The following TBL1XR1 variants were observed in gnomAD, a reference collection of about 807,000 sequenced individuals.
TBL1XR1 encodes TBL1X/Y related 1, also known as F-box-like/WD repeat-containing protein TBL1XR1.
Under a neutral mutation model 66.9 loss-of-function variants are expected in TBL1XR1, and 5 were observed. That is an observed-to-expected ratio of 0.07 (90% confidence interval 0.04 to 0.16). The LOEUF (loss-of-function observed/expected upper bound fraction) is 0.16. TBL1XR1 is among the 10% of genes least tolerant of loss of function. The probability of loss-of-function intolerance (pLI) is 1.00; values close to 1 mark genes in which losing one functional copy is unlikely to be tolerated. For missense variants in TBL1XR1, 238 were observed against 623.2 expected, an observed-to-expected ratio of 0.38 and a Z score of 6.58; for synonymous variants, 210 against 206.0, an observed-to-expected ratio of 1.02 and a Z score of -0.17.
At chr3:177,151,257 T>C (rs6791268) in intron 1 of TBL1XR1, among the ~76,000 whole-genome samples, 7,850 of 152,286 alleles carry the variant, frequency 0.052, 474 homozygotes, top group East Asian at 0.17. Context: ...CAAGTATTTA[T>C]GTTTCAGTAT....
intron 3 of TBL1XR1, among the ~76,000 whole-genome samples, chr3:177,059,561 T>C (rs1347798403): frequency 1.3e-5 from 2 of 152,136 alleles, no homozygotes; most frequent in Non-Finnish European, 2.9e-5. Context: ...ACAAGGCCTG[T>C]ATTTCTAAGG....
chr3:177,151,037 A>G (rs1454679060), intron 1 of TBL1XR1, among the ~76,000 whole-genome samples: 1 of 152,242 alleles, frequency 6.6e-6, no homozygotes, highest in Non-Finnish European at 1.5e-5. Flanking sequence ...CAGTAATAAT[A>G]AAAACACATA....
intron 1 of TBL1XR1, among the ~76,000 whole-genome samples, chr3:177,144,331 C>T (rs1729984640): frequency 6.6e-6 from 1 of 152,130 alleles, no homozygotes; most frequent in Non-Finnish European, 1.5e-5. Flanking sequence ...CTAAGTACAA[C>T]ATTAAAGAAT....
intron 1 of TBL1XR1, among the ~76,000 whole-genome samples, chr3:177,163,620 A>G (rs1039830872): frequency 1.6e-4 from 25 of 152,210 alleles, no homozygotes; most frequent in African/African-American, 6.0e-4. Flanking sequence ...TGTATTTAAA[A>G]CAATACTGGG....
chr3:177,114,711 C>T (rs1726090129), intron 1 of TBL1XR1, among the ~76,000 whole-genome samples: 1 of 151,766 alleles, frequency 6.6e-6, no homozygotes, highest in Non-Finnish European at 1.5e-5. Context: ...TACGGTAGCT[C>T]ACACCTCTAA....
In TBL1XR1 at chr3:177,164,676, GAA is replaced by G. The variant is rs1484947783; in HGVS notation, c.-122+32443_-122+32444del. 2.0e-5 allele frequency among the ~76,000 whole-genome samples: 3 copies of G among 152,154 alleles called. No individual in the cohort carries two copies. In the East Asian group the frequency reaches 5.8e-4, roughly 29 times the overall value. ...TTCTAAATTTTTGAAGAAACAAATT[GAA>G]AAAGATTATACAAATAAATGGAAAG... is the stretch of plus-strand genomic sequence containing the variant. On this transcript the variant is annotated intron_variant, in intron 1 of 15. Coordinates refer to ENST00000457928, the MANE Select transcript of TBL1XR1 (RefSeq NM_024665.7).
intron 2 of TBL1XR1, among the ~76,000 whole-genome samples, chr3:177,082,157 G>A (rs764530406): frequency 6.6e-6 from 1 of 151,938 alleles, no homozygotes; most frequent in Non-Finnish European, 1.5e-5. Context: ...CTAGAGCTAC[G>A]CACAACATAG....
chr3:177,123,644 T>C lies in TBL1XR1; in HGVS notation c.-121-25103A>G, dbSNP rs986383986. ...CATTATAGCTAAAAGATTCTCAAAA[T>C]ATTCTGACTGAAAACCAGGTGACTG... is the stretch of plus-strand genomic sequence containing the variant. On this transcript the variant is annotated intron_variant, in intron 1 of 15. Coordinates refer to ENST00000457928, the MANE Select transcript of TBL1XR1 (RefSeq NM_024665.7). 3.3e-5 allele frequency among the ~76,000 whole-genome samples: 5 copies of C among 152,078 alleles called. No individual in the cohort carries two copies. In the East Asian group the frequency reaches 9.6e-4, roughly 29 times the overall value.
intron 14 of TBL1XR1, among the ~76,000 whole-genome samples, chr3:177,030,484 A>G (rs892541444): frequency 3.3e-5 from 5 of 152,072 alleles, no homozygotes; most frequent in African/African-American, 1.2e-4. Context: ...ATAGTAGTAT[A>G]TATCATTTAT....
At chr3:177,198,003 G>C (rs545494257), upstream of TBL1XR1, among the ~76,000 whole-genome samples, 1,021 of 151,754 alleles carry the variant, frequency 6.7e-3, 4 homozygotes, top group Non-Finnish European at 7.3e-3. Flanking sequence ...CGTGTCCGGG[G>C]GGCGGCCCGG....
chr3:177,153,699 C>T (rs1430498586), intron 1 of TBL1XR1, among the ~76,000 whole-genome samples: 1 of 151,894 alleles, frequency 6.6e-6, no homozygotes, highest in African/African-American at 2.4e-5. Context: ...ACCAGCCTGG[C>T]AGACATGATG....
At chr3:177,114,025 TAC>T (rs1455176426) in intron 1 of TBL1XR1, among the ~76,000 whole-genome samples, 1 of 152,090 alleles carries the variant, frequency 6.6e-6, no homozygotes, top group African/African-American at 2.4e-5. Context: ...GATACATAAT[TAC>T]AGTTAGACAA....
At chr3:177,093,918 G>A (rs773452291) in intron 2 of TBL1XR1, among the ~76,000 whole-genome samples, 2 of 152,112 alleles carry the variant, frequency 1.3e-5, no homozygotes, top group Non-Finnish European at 2.9e-5. Flanking sequence ...CTTGGGCAAC[G>A]ACTTCATGAC....
chr3:177,191,218 A>G (rs532412685), intron 1 of TBL1XR1, among the ~76,000 whole-genome samples: 2 of 152,334 alleles, frequency 1.3e-5, no homozygotes, highest in Admixed American at 1.3e-4. Flanking sequence ...AAGAGAATCC[A>G]TTATGGGTTC....
In TBL1XR1 at chr3:177,050,092, T is replaced by G; in HGVS notation, c.607A>C (p.Thr203Pro). The change falls in exon 7 of 16, where the codon ACC (threonine) becomes CCC (proline). Residue 203 changes from threonine to proline, a missense_variant. Transcript: ENST00000457928. Reference protein sequence around the residue: ...ARIWNLSENSTSGSTQLVLRH... With the variant: ...ARIWNLSENSPSGSTQLVLRH... ...AGTACTAACTGTGTAGAGCCACTGG[T>G]GCTGTTCTCACTAAGATTCCATATT... 6.2e-7 allele frequency: 1 copy of G among 1,613,214 alleles called. No individual in the cohort carries two copies. Among genetic ancestry groups the G allele is most frequent in the Non-Finnish European group, 8.5e-7 (1 of 1,179,598 alleles).
rs191466381 is a variant in TBL1XR1 at position 177,082,891 on chromosome 3, G to T, written c.-46+15575C>A. Among the ~76,000 whole-genome samples, 526 of 150,374 alleles carry T rather than the reference G, an allele frequency of 3.5e-3. 6 individuals carry two copies. Among genetic ancestry groups the T allele is most frequent in the Admixed American group, 0.019 (281 of 15,072 alleles). On this transcript the variant is annotated intron_variant, in intron 2 of 15. Transcript: ENST00000457928. ...CTGCCTCAGCCTCTGGAGTAGCTGG[G>T]ACTACAGGCGACCACCACCACATCT... is the stretch of plus-strand genomic sequence containing the variant.
upstream of TBL1XR1, among the ~76,000 whole-genome samples, chr3:177,197,646 G>GCGGT (rs1737060382): frequency 7.2e-6 from 1 of 138,558 alleles, no homozygotes; most frequent in African/African-American, 2.6e-5. Context: ...GGGCGGGCGG[G>GCGGT]CGCGCGGGGG....
intron 2 of TBL1XR1, among the ~76,000 whole-genome samples, chr3:177,083,206 C>A (rs1721661735): frequency 6.6e-6 from 1 of 152,030 alleles, no homozygotes; most frequent in Non-Finnish European, 1.5e-5. Flanking sequence ...CCTCCCATAG[C>A]ATTTTCAAAA....
chr3:177,070,506 T>C (rs748586084), intron 2 of TBL1XR1, among the ~76,000 whole-genome samples: 2 of 152,032 alleles, frequency 1.3e-5, no homozygotes, highest in African/African-American at 2.4e-5. Context: ...TCACAGAACT[T>C]AAGGTAAAGC....
Sources: allele counts gnomAD v4.1 joint callset (sites outside exome capture counted in the v4.1 genomes callset), GRCh38; gene constraint gnomAD v4.1.1; transcripts MANE v1.5; gene names NCBI Gene and HGNC (gene_info 2026-07-23, HGNC 2026-07-21).